CTNND2: variants seen among roughly 807,000 people sequenced by gnomAD.
The protein encoded by CTNND2 is catenin delta-2.
Under a neutral mutation model 144.4 loss-of-function variants are expected in CTNND2, and 22 were observed. That is an observed-to-expected ratio of 0.15 (90% CI 0.11 to 0.22). The LOEUF is 0.22. Ranked by LOEUF, CTNND2 falls within the 10% of genes least tolerant of loss-of-function variation. The pLI, the probability that CTNND2 is intolerant of heterozygous loss-of-function variation, is 1.00. For missense variants in CTNND2, 1,353 were observed against 1,618.8 expected (o/e 0.84, Z 2.82); for synonymous variants, 751 against 695.6 (o/e 1.08, Z -1.25).
At chr5:10,994,757 G>T (rs1739161479) in intron 18 of CTNND2, among the ~76,000 whole-genome samples, 1 of 152,154 alleles carries the variant, frequency 6.6e-6, no homozygotes, top group African/African-American at 2.4e-5. Context: ...AAAGCTCTGG[G>T]TGTCCAGGAC....
At chr5:11,780,446 C>T (rs115535814) in intron 1 of CTNND2, among the ~76,000 whole-genome samples, 2,482 of 152,298 alleles carry the variant, frequency 0.016, 55 homozygotes, top group African/African-American at 0.057. Context: ...GGAGGGATGG[C>T]TGCTGCTCCC....
At position 11,533,212 on chromosome 5, in the gene CTNND2, G is replaced by T. The variant is rs31788; in HGVS notation, c.287+31732C>A. On this transcript the variant is annotated intron_variant, in intron 3 of 21. Coordinates refer to ENST00000304623, the MANE Select transcript of CTNND2 (RefSeq NM_001332.4). ...ATTTCTGTTAATTCTTCTGTCAAAC[G>T]CAAGACTTCCAATGCAAATATGTAA... is the stretch of plus-strand genomic sequence containing the variant. Among the ~76,000 whole-genome samples the T allele has an allele frequency of 3.9e-5, 6 of 152,274 alleles. No homozygotes were observed. In the South Asian group the frequency reaches 1.2e-3, roughly 32 times the overall value.
At chr5:11,491,823 A>C (rs1477771907) in intron 3 of CTNND2, among the ~76,000 whole-genome samples, 1 of 152,170 alleles carries the variant, frequency 6.6e-6, no homozygotes, top group Admixed American at 6.6e-5. Flanking sequence ...CAATGTTTTA[A>C]ATAACATATC....
chr5:11,519,435 T>G (rs17218749), intron 3 of CTNND2, among the ~76,000 whole-genome samples: 9,328 of 152,022 alleles, frequency 0.061, 435 homozygotes, highest in Non-Finnish European at 0.094. Flanking sequence ...GACAGCCTTA[T>G]CTTTGAAGTT....
At chr5:10,987,565 G>T (rs1318939926) in intron 20 of CTNND2, among the ~76,000 whole-genome samples, 1 of 152,092 alleles carries the variant, frequency 6.6e-6, no homozygotes, top group Non-Finnish European at 1.5e-5. Context: ...GTTGTATCAT[G>T]GCAAGAGGGG....
At chr5:11,668,772 AC>A (rs149148472) in intron 2 of CTNND2, among the ~76,000 whole-genome samples, 3,353 of 152,222 alleles carry the variant, frequency 0.022, 41 homozygotes, top group East Asian at 0.056. Flanking sequence ...GTGTTGCCTG[AC>A]TGCCCTGGCC....
chr5:11,365,197 T>C lies in CTNND2; in HGVS notation c.1178-307A>G, dbSNP rs1002819044. On this transcript the variant is annotated intron_variant, in intron 7 of 21. Coordinates refer to ENST00000304623, the MANE Select transcript of CTNND2 (RefSeq NM_001332.4). Reference sequence around the variant, plus strand: ...TAATGAATGTAGCTAGGTTCTTCACTAAAGGAATCAGGTAGATAGTCAGTC... The same window carrying C: ...TAATGAATGTAGCTAGGTTCTTCACCAAAGGAATCAGGTAGATAGTCAGTC... 2.0e-5 allele frequency among the ~76,000 whole-genome samples: 3 copies of C among 152,336 alleles called. 1 individual carries two copies. The highest frequency in any genetic ancestry group is 4.1e-4 in the South Asian group (2 of 4,828).
intron 16 of CTNND2, among the ~76,000 whole-genome samples, chr5:11,056,915 A>G (rs1746404257): frequency 6.6e-6 from 1 of 152,220 alleles, no homozygotes; most frequent in Non-Finnish European, 1.5e-5. Flanking sequence ...AGGAGCCTTC[A>G]GGTCTGGTCA....
chr5:11,240,787 C>CTAACA (rs1742308759), intron 9 of CTNND2, among the ~76,000 whole-genome samples: 1 of 137,790 alleles, frequency 7.3e-6, no homozygotes, highest in Non-Finnish European at 1.6e-5. Context: ...GCACACACAC[C>CTAACA]CCCAACCCCC....
chr5:11,695,810 T>G (rs1475234916), intron 2 of CTNND2, among the ~76,000 whole-genome samples: 2 of 152,182 alleles, frequency 1.3e-5, no homozygotes, highest in Non-Finnish European at 2.9e-5. Context: ...TATAAACAGA[T>G]GTAATATTAC....
chr5:11,879,689 TA>T (rs558041033), intron 1 of CTNND2, among the ~76,000 whole-genome samples: 59 of 152,260 alleles, frequency 3.9e-4, no homozygotes, highest in South Asian at 1.2e-3. Context: ...TTTTTACTAA[TA>T]AAAACTATAG....
chr5:11,488,407 G>C (rs1256400685), intron 3 of CTNND2, among the ~76,000 whole-genome samples: 1 of 152,046 alleles, frequency 6.6e-6, no homozygotes, highest in African/African-American at 2.4e-5. Flanking sequence ...TCTAAATACA[G>C]TTATTTCTCT....
Position 11,588,708 on chromosome 5 carries a change from G to A in CTNND2, c.175-23652C>T, listed in dbSNP as rs553466188. 19 of 963,270 alleles carry A rather than the reference G, an allele frequency of 2.0e-5. No homozygotes were observed. In the South Asian group the frequency reaches 4.3e-4, roughly 22 times the overall value. The allele number at this position is 963,270 out of a possible 1,614,324, so 59.7% of individuals were successfully genotyped here. On this transcript the variant is annotated intron_variant, in intron 2 of 21. Coordinates refer to ENST00000304623, the MANE Select transcript of CTNND2 (RefSeq NM_001332.4). ...ATGAAAGCATTGAAAAACCAAACGC[G>A]GTTAGTTTTCACTTTTTGTCTTTTA...
intron 7 of CTNND2, among the ~76,000 whole-genome samples, chr5:11,375,331 C>G (rs926443867): frequency 3.3e-5 from 5 of 152,220 alleles, no homozygotes; most frequent in Non-Finnish European, 7.3e-5. Flanking sequence ...AAGTAAACAG[C>G]TTCACAGATT....
At chr5:11,581,930 A>G (rs1368979485) in intron 2 of CTNND2, among the ~76,000 whole-genome samples, 5 of 152,176 alleles carry the variant, frequency 3.3e-5, no homozygotes, top group African/African-American at 1.2e-4. Flanking sequence ...TTATATTTTT[A>G]TATCACAAAT....
At chr5:11,361,151 G>A (rs932282233) in intron 8 of CTNND2, among the ~76,000 whole-genome samples, 29 of 152,170 alleles carry the variant, frequency 1.9e-4, no homozygotes, top group African/African-American at 6.5e-4. Flanking sequence ...ATCCCGAGTA[G>A]CTGGGATTAC....
At chr5:11,774,059 C>G (rs890574577) in intron 1 of CTNND2, among the ~76,000 whole-genome samples, 1 of 151,790 alleles carries the variant, frequency 6.6e-6, no homozygotes, top group African/African-American at 2.4e-5. Context: ...AACTAGGTAC[C>G]AAATAACATT....
chr5:11,641,622 A>G (rs1782013290), intron 2 of CTNND2, among the ~76,000 whole-genome samples: 1 of 151,136 alleles, frequency 6.6e-6, no homozygotes, highest in Non-Finnish European at 1.5e-5. Context: ...ACGTGTGTGT[A>G]TACATATACG....
chr5:10,977,711 C>T (rs758036017), intron 21 of CTNND2, among the ~76,000 whole-genome samples: 16 of 152,190 alleles, frequency 1.1e-4, no homozygotes, highest in Non-Finnish European at 2.1e-4. Flanking sequence ...CCTCGGCCTC[C>T]CAAAATGCTA....
Sources: gnomAD v4.1 joint callset for allele counts (sites outside exome capture counted in the v4.1 genomes callset) on GRCh38, gnomAD v4.1.1 for gene constraint, MANE v1.5 for transcripts, NCBI Gene and HGNC (gene_info 2026-07-23, HGNC 2026-07-21) for gene names.